PCCA: variants seen among roughly 807,000 people sequenced by gnomAD.
PCCA encodes propionyl-CoA carboxylase alpha chain, mitochondrial.
A neutral mutation model predicts 101.3 loss-of-function variants in PCCA; 74 were observed. The observed-to-expected ratio is 0.73, with a 90% CI of 0.61 to 0.89. PCCA has a LOEUF of 0.89. PCCA is among the 40% of genes least tolerant of loss of function. PCCA has a pLI of 0.00. For missense variants in PCCA, 891 were observed against 907.0 expected (o/e 0.98, Z 0.23); for synonymous variants, 294 against 313.6 (o/e 0.94, Z 0.66).
chr13:100,471,473 T>G (rs1596053771), intron 21 of PCCA, among the ~76,000 whole-genome samples: 1 of 152,214 alleles, frequency 6.6e-6, no homozygotes, highest in Admixed American at 6.5e-5. Context: ...GATAAAGGGT[T>G]GCCACAAACC....
intron 21 of PCCA, among the ~76,000 whole-genome samples, chr13:100,512,247 CTTTCT>C (rs1190743868): frequency 2.6e-5 from 4 of 152,130 alleles, no homozygotes; most frequent in African/African-American, 9.7e-5. Flanking sequence ...CCTTTTCTTT[CTTTCT>C]TTTAATCTTT....
At chr13:100,520,004 G>T (rs2087112666) in intron 22 of PCCA, among the ~76,000 whole-genome samples, 1 of 152,214 alleles carries the variant, frequency 6.6e-6, no homozygotes, top group Non-Finnish European at 1.5e-5. Context: ...AGTTATTCAA[G>T]CAGTTTATTT....
intron 21 of PCCA, among the ~76,000 whole-genome samples, chr13:100,467,193 T>G (rs1284971271): frequency 2.6e-5 from 4 of 152,144 alleles, no homozygotes; most frequent in Non-Finnish European, 5.9e-5. Context: ...TTCCTTCACA[T>G]GAGCATCTGG....
At chr13:100,422,224 C>T (rs2078879287) in intron 19 of PCCA, among the ~76,000 whole-genome samples, 1 of 150,846 alleles carries the variant, frequency 6.6e-6, no homozygotes, top group Non-Finnish European at 1.5e-5. Context: ...CTTGGAAGGC[C>T]TGGGCTCAAG....
intron 21 of PCCA, among the ~76,000 whole-genome samples, chr13:100,482,589 GTTTT>G (rs1286314401): frequency 2.7e-5 from 4 of 149,518 alleles, no homozygotes; most frequent in Admixed American, 6.6e-5. Context: ...TTTTGTTTTG[GTTTT>G]TTGTTTGTTT....
chr13:100,390,810 T>C (rs1357614242), intron 19 of PCCA, among the ~76,000 whole-genome samples: 1 of 152,016 alleles, frequency 6.6e-6, no homozygotes, highest in African/African-American at 2.4e-5. Flanking sequence ...AGAAATGAAA[T>C]TGTGGTGAGT....
At chr13:100,386,940 C>G (rs1205678389) in intron 19 of PCCA, among the ~76,000 whole-genome samples, 2 of 151,998 alleles carry the variant, frequency 1.3e-5, no homozygotes, top group Non-Finnish European at 2.9e-5. Flanking sequence ...TTTTAAAAAA[C>G]ATTTCAAAAT....
At chr13:100,469,391 A>G (rs938670626) in intron 21 of PCCA, among the ~76,000 whole-genome samples, 1 of 152,112 alleles carries the variant, frequency 6.6e-6, no homozygotes, top group Non-Finnish European at 1.5e-5. Context: ...CGGCAGAAAC[A>G]TGACAAGGTG....
intron 11 of PCCA, 53 bp downstream of exon 11, chr13:100,268,836 ATTCAT>A: frequency 1.0e-6 from 1 of 973,978 alleles, no homozygotes; most frequent in South Asian, 1.4e-5. Flanking sequence ...CATTTCATTC[ATTCAT>A]TCATTCATTC....
chr13:100,462,402 G>C (rs2082224796), intron 21 of PCCA, among the ~76,000 whole-genome samples: 1 of 152,192 alleles, frequency 6.6e-6, no homozygotes, highest in African/African-American at 2.4e-5. Context: ...AAGTGGGTTA[G>C]TTGAACATGA....
chr13:100,489,068 G>A (rs997000298), intron 21 of PCCA, among the ~76,000 whole-genome samples: 11 of 152,172 alleles, frequency 7.2e-5, no homozygotes, highest in African/African-American at 2.2e-4. Flanking sequence ...CACTTTGGGA[G>A]GCCGAGGCAG....
intron 19 of PCCA, among the ~76,000 whole-genome samples, chr13:100,379,075 A>G (rs1040653815): frequency 3.9e-5 from 6 of 152,210 alleles, no homozygotes; most frequent in South Asian, 4.1e-4. Flanking sequence ...ATTTGTTTTC[A>G]TAGGGGAAGA....
intron 7 of PCCA, among the ~76,000 whole-genome samples, chr13:100,221,431 GGT>G (rs2059802205): frequency 1.3e-5 from 2 of 152,128 alleles, no homozygotes; most frequent in South Asian, 2.1e-4. Flanking sequence ...TAATACACTT[GGT>G]TTTGCTTGTT....
At chr13:100,177,068 A>G (rs1217439332) in intron 6 of PCCA, among the ~76,000 whole-genome samples, 8 of 152,220 alleles carry the variant, frequency 5.3e-5, no homozygotes, top group Admixed American at 5.2e-4. Flanking sequence ...CTATCACTGC[A>G]TTGGGTGAAA....
At chr13:100,459,090 C>T (rs1262116631) in intron 21 of PCCA, among the ~76,000 whole-genome samples, 1 of 152,126 alleles carries the variant, frequency 6.6e-6, no homozygotes, top group African/African-American at 2.4e-5. Context: ...TGGCTTGTGG[C>T]TATGTAATTC....
intron 22 of PCCA, among the ~76,000 whole-genome samples, chr13:100,524,994 TAGA>T (rs1226799972): frequency 3.3e-5 from 4 of 119,794 alleles, no homozygotes; most frequent in Admixed American, 3.2e-4. Context: ...GATAGATAGA[TAGA>T]TAGATAGATA....
At chr13:100,513,477 A>G (rs1416558337) in intron 21 of PCCA, among the ~76,000 whole-genome samples, 3 of 152,212 alleles carry the variant, frequency 2.0e-5, no homozygotes, top group Admixed American at 6.5e-5. Context: ...CAGGAGTCCT[A>G]CAGAGAAAGG....
chr13:100,503,946 T>A (rs2085877125), intron 21 of PCCA, among the ~76,000 whole-genome samples: 1 of 152,222 alleles, frequency 6.6e-6, no homozygotes, highest in Non-Finnish European at 1.5e-5. Context: ...CCAGGCTAAA[T>A]GTATTTGTAG....
intron 19 of PCCA, among the ~76,000 whole-genome samples, chr13:100,415,368 T>C (rs1280046577): frequency 6.6e-6 from 1 of 152,204 alleles, no homozygotes; most frequent in East Asian, 1.9e-4. Flanking sequence ...ATCCCACCAC[T>C]GCTTTCCAGC....
Sources: allele counts gnomAD v4.1 joint callset (sites outside exome capture counted in the v4.1 genomes callset), GRCh38; gene constraint gnomAD v4.1.1; transcripts MANE v1.5; gene names NCBI Gene and HGNC (gene_info 2026-07-23, HGNC 2026-07-21).